The following TMPRSS11E variants were observed in gnomAD, a reference collection of about 807,000 sequenced individuals.
TMPRSS11E encodes the protein transmembrane serine protease 11E.
Under a neutral mutation model 48.1 loss-of-function variants are expected in TMPRSS11E, and 38 were observed. The observed-to-expected ratio is 0.79, with a 90% CI of 0.61 to 1.04. The LOEUF is 1.04. TMPRSS11E is among the 50% of genes least tolerant of loss of function. The pLI, the probability that TMPRSS11E is intolerant of heterozygous loss-of-function variation, is 0.00. For missense variants in TMPRSS11E, 530 were observed against 510.8 expected, an observed-to-expected ratio of 1.04 and a Z score of -0.36; for synonymous variants, 158 against 171.9, an observed-to-expected ratio of 0.92 and a Z score of 0.63.
intron 9 of TMPRSS11E, among the ~76,000 whole-genome samples, chr4:68,494,908 A>C (rs986197741): frequency 6.6e-6 from 1 of 152,218 alleles, no homozygotes; most frequent in African/African-American, 2.4e-5. Context: ...ATACAAAGCT[A>C]GGATACATCT....
rs556069629 is a variant in TMPRSS11E at position 68,486,637 on chromosome 4, G to A, written c.1110+7646G>A. Among the ~76,000 whole-genome samples the A allele has an allele frequency of 5.3e-5, 8 of 152,282 alleles. No individual in the cohort carries two copies. In the South Asian group the frequency reaches 6.2e-4, roughly 12 times the overall value. ...TTGTTGTTAGGTGGAGTGTTCTATA[G>A]ATATCTCTTAGGTTCATTTGGTCAA... On this transcript the variant is annotated intron_variant, in intron 9 of 9. Coordinates refer to ENST00000305363, the MANE Select transcript of TMPRSS11E (RefSeq NM_014058.4).
Position 68,496,729 on chromosome 4 carries a change from G to A in TMPRSS11E, c.1197G>A (p.Ala399=), listed in dbSNP as rs749444855. ...AGIVSWGDEC[A]KPNKPGVYTR... is the part of the protein sequence containing the mutation. ...TAGTGAGCTGGGGAGATGAATGTGC[G>A]AAACCCAACAAGCCTGGTGTTTATA... The change falls in exon 10 of 10, where the codon GCG becomes GCA. Residue 399 remains alanine (A), a synonymous_variant. Transcript: ENST00000305363. The A allele has an allele frequency of 1.6e-5, 26 of 1,613,566 alleles. No individual in the cohort carries two copies. Among genetic ancestry groups the A allele is most frequent in the Middle Eastern group, 3.3e-4 (2 of 6,082 alleles).
chr4:68,458,874 AT>A (rs1436791090), intron 1 of TMPRSS11E, among the ~76,000 whole-genome samples: 2 of 152,126 alleles, frequency 1.3e-5, no homozygotes, highest in Non-Finnish European at 2.9e-5. Flanking sequence ...AATAATGATG[AT>A]GATAATTATC....
At chr4:68,458,849 A>C (rs546289347) in intron 1 of TMPRSS11E, among the ~76,000 whole-genome samples, 1 of 152,268 alleles carries the variant, frequency 6.6e-6, no homozygotes, top group South Asian at 2.1e-4. Context: ...CATTACCACT[A>C]TTACTAATAA....
rs746015990 is a variant in TMPRSS11E at position 68,478,914 on chromosome 4, C to T, written c.1033C>T (p.Pro345Ser). Reference protein sequence around the residue: ...TLIDATTCNEPQAYNDAITPR... With the variant: ...TLIDATTCNESQAYNDAITPR... ...CATAGACGCTACAACTTGCAATGAA[C>T]CTCAAGCTTACAATGACGCCATAAC... The change falls in exon 9 of 10, where the codon CCT becomes TCT. Residue 345 changes from proline to serine, a missense_variant. Coordinates refer to ENST00000305363, the MANE Select transcript of TMPRSS11E (RefSeq NM_014058.4). 5 of 1,614,046 alleles carry T rather than the reference C, an allele frequency of 3.1e-6. No homozygotes were observed. Among genetic ancestry groups the T allele is most frequent in the Admixed American group, 3.3e-5 (2 of 59,996 alleles).
chr4:68,467,508 A>G (rs888010420), intron 3 of TMPRSS11E, among the ~76,000 whole-genome samples: 1 of 152,192 alleles, frequency 6.6e-6, no homozygotes, highest in Non-Finnish European at 1.5e-5. Flanking sequence ...GGGAGCTGGG[A>G]GGCACATGTA....
At chr4:68,452,340 G>A (rs1408924978) in intron 1 of TMPRSS11E, among the ~76,000 whole-genome samples, 2 of 151,802 alleles carry the variant, frequency 1.3e-5, no homozygotes, top group East Asian at 1.9e-4. Context: ...ATTTTGTCAG[G>A]TCACAGTTAG....
intron 9 of TMPRSS11E, among the ~76,000 whole-genome samples, chr4:68,490,748 ATTCTTTTTTTTTTTTTTTTT>A (rs1202146321): frequency 1.3e-5 from 1 of 76,172 alleles, no homozygotes; most frequent in Non-Finnish European, 2.4e-5. Context: ...CACTCAGCAT[ATTCTTTTTTTTTTTTTTTTT>A]TTTTTTTTTG....
chr4:68,452,054 G>A (rs879802877), intron 1 of TMPRSS11E, among the ~76,000 whole-genome samples: 13 of 152,016 alleles, frequency 8.6e-5, no homozygotes, highest in Non-Finnish European at 1.9e-4. Context: ...TGGATAGGAA[G>A]CATTGCTGTA....
At chr4:68,461,176 C>T (rs181024966) in intron 1 of TMPRSS11E, among the ~76,000 whole-genome samples, 1 of 152,138 alleles carries the variant, frequency 6.6e-6, no homozygotes, top group Non-Finnish European at 1.5e-5. Context: ...CCACCGTGCC[C>T]GGCCTTCTGT....
At chr4:68,464,201 G>T (rs954276047) in intron 2 of TMPRSS11E, among the ~76,000 whole-genome samples, 1 of 152,052 alleles carries the variant, frequency 6.6e-6, no homozygotes, top group Admixed American at 6.6e-5. Context: ...AGTGGCTTTG[G>T]CAGACAAATA....
intron 9 of TMPRSS11E, among the ~76,000 whole-genome samples, chr4:68,494,209 C>T (rs1189430115): frequency 6.6e-6 from 1 of 151,928 alleles, no homozygotes; most frequent in Non-Finnish European, 1.5e-5. Context: ...TCAACTCTTG[C>T]CCATATTTAG....
At chr4:68,453,337 C>T (rs1728546858) in intron 1 of TMPRSS11E, among the ~76,000 whole-genome samples, 2 of 151,754 alleles carry the variant, frequency 1.3e-5, no homozygotes, top group South Asian at 4.2e-4. Flanking sequence ...AGTAACTTTC[C>T]TAGAGCCACC....
chr4:68,473,853 T>A (rs939089596), intron 5 of TMPRSS11E, among the ~76,000 whole-genome samples: 1 of 152,162 alleles, frequency 6.6e-6, no homozygotes, highest in African/African-American at 2.4e-5. Flanking sequence ...AAATTCTTCC[T>A]TATTTTTGCC....
At chr4:68,482,446 C>T (rs183189231) in intron 9 of TMPRSS11E, among the ~76,000 whole-genome samples, 55 of 152,018 alleles carry the variant, frequency 3.6e-4, no homozygotes, top group African/African-American at 1.3e-3. Flanking sequence ...TAACTCATTC[C>T]GACTTTAACT....
chr4:68,486,133 T>C (rs1169208021), intron 9 of TMPRSS11E, among the ~76,000 whole-genome samples: 1 of 152,172 alleles, frequency 6.6e-6, no homozygotes, highest in African/African-American at 2.4e-5. Context: ...TTTGTGTCTC[T>C]ATTTCATTCA....
chr4:68,448,353 T>G (rs1234396965), intron 1 of TMPRSS11E, among the ~76,000 whole-genome samples: 5 of 151,982 alleles, frequency 3.3e-5, no homozygotes, highest in Non-Finnish European at 7.4e-5. Flanking sequence ...TACTTGTTAT[T>G]AGAAGTTTAA....
chr4:68,466,515 G>T, intron 2 of TMPRSS11E, 116 bp from the exon 3 acceptor site: 4 of 1,082,084 alleles, frequency 3.7e-6, no homozygotes, highest in Non-Finnish European at 5.5e-6. Flanking sequence ...ATGATGACCT[G>T]TGCTAAGAGC....
chr4:68,496,903 C>A lies in TMPRSS11E; in HGVS notation c.*99C>A. 1 of 1,164,114 alleles carries A rather than the reference C, an allele frequency of 8.6e-7. No homozygotes were observed. The highest frequency in any genetic ancestry group is 1.2e-6 in the Non-Finnish European group (1 of 812,774). The allele number at this position is 1,164,114 out of a possible 1,614,324, so 72.1% of individuals were successfully genotyped here. On this transcript the variant is annotated 3_prime_UTR_variant, in exon 10 of 10. Coordinates refer to ENST00000305363, the MANE Select transcript of TMPRSS11E (RefSeq NM_014058.4). ...GAATTGGAGAAGACTTGCAAAACAG[C>A]TAGATTTGACTGATCTCAATAAACT...
Sources: allele counts gnomAD v4.1 joint callset (sites outside exome capture counted in the v4.1 genomes callset), GRCh38; gene constraint gnomAD v4.1.1; transcripts MANE v1.5; gene names NCBI Gene and HGNC (gene_info 2026-07-23, HGNC 2026-07-21).